Variants in GRB10 observed in about 807,000 individuals in gnomAD.
GRB10 encodes the protein growth factor receptor-bound protein 10.
GRB10 carries 20 observed loss-of-function variants against 80.9 expected under a neutral mutation model. The ratio of observed to expected loss-of-function variants is 0.25; its 90% confidence interval spans 0.17 to 0.36. GRB10 has a LOEUF of 0.36. GRB10 is among the 10% of genes least tolerant of loss of function. The pLI, the probability that GRB10 is intolerant of heterozygous loss-of-function variation, is 1.00. For missense variants in GRB10, 548 were observed against 747.7 expected (o/e 0.73, Z 3.12); for synonymous variants, 291 against 291.5 (o/e 1.00, Z 0.02).
At chr7:50,722,775 G>A (rs2067970855) in intron 4 of GRB10, among the ~76,000 whole-genome samples, 1 of 152,124 alleles carries the variant, frequency 6.6e-6, no homozygotes, top group Non-Finnish European at 1.5e-5. Context: ...CAAACACACA[G>A]CTTGTTCTCC....
At chr7:50,601,091 T>A (rs569785004) in intron 17 of GRB10, among the ~76,000 whole-genome samples, 62 of 152,352 alleles carry the variant, frequency 4.1e-4, no homozygotes, top group African/African-American at 1.4e-3. Flanking sequence ...TGTGGAGCGA[T>A]CCTTGGGATG....
At chr7:50,732,144 G>T in intron 4 of GRB10, 128 bp downstream of exon 4, 1 of 927,902 alleles carries the variant, frequency 1.1e-6, no homozygotes, top group Non-Finnish European at 1.8e-6. Flanking sequence ...CTTGTCACCA[G>T]CCCCTGCTCC....
At chr7:50,648,887 C>T (rs1316470234) in intron 7 of GRB10, among the ~76,000 whole-genome samples, 5 of 152,204 alleles carry the variant, frequency 3.3e-5, no homozygotes, top group African/African-American at 1.2e-4. Context: ...GACTCCCAGG[C>T]CTCAGACCTA....
chr7:50,675,429 GT>G (rs1171897761), intron 5 of GRB10, among the ~76,000 whole-genome samples: 4 of 152,242 alleles, frequency 2.6e-5, no homozygotes, highest in African/African-American at 9.6e-5. Context: ...CTGGGCCATG[GT>G]GCCAGGTTTT....
chr7:50,619,080 G>T, intron 9 of GRB10, 90 bp downstream of exon 9: 1 of 777,164 alleles, frequency 1.3e-6, no homozygotes, highest in Non-Finnish European at 2.3e-6. Flanking sequence ...ATGCCTCTCA[G>T]TCACTTTCTA....
intron 2 of GRB10, among the ~76,000 whole-genome samples, chr7:50,777,042 T>TTCCG (rs113329689): frequency 1.3e-5 from 2 of 151,584 alleles, no homozygotes; most frequent in Non-Finnish European, 2.9e-5. Flanking sequence ...CAGTATCAAT[T>TTCCG]TCTGTCTGTG....
Position 50,792,590 on chromosome 7 carries a change from C to T in GRB10, c.-294+634G>A, listed in dbSNP as rs959712391. The T allele has an allele frequency of 2.0e-4, 79 of 398,126 alleles. 1 individual carries two copies. The highest frequency in any genetic ancestry group is 2.9e-4 in the Non-Finnish European group (66 of 225,800). The allele number at this position is 398,126 out of a possible 1,614,324, so 24.7% of individuals were successfully genotyped here. A position where few individuals can be genotyped will look rare whatever the true frequency, so the allele number is the denominator to read the frequency against. On this transcript the variant is annotated intron_variant, in intron 1 of 16. Transcript: ENST00000335866. ...TTCCACGGCTGGCGGGCGGCTAATCCGCGAGCCCTCAACTTGGTGTTAGGC... is the reference window on the plus strand; with the variant it reads ...TTCCACGGCTGGCGGGCGGCTAATCTGCGAGCCCTCAACTTGGTGTTAGGC...
At chr7:50,701,344 C>G (rs959658435) in intron 5 of GRB10, among the ~76,000 whole-genome samples, 5 of 152,178 alleles carry the variant, frequency 3.3e-5, no homozygotes, top group African/African-American at 1.2e-4. Context: ...CACATGTAAA[C>G]CAAGCACTTC....
intron 2 of GRB10, among the ~76,000 whole-genome samples, chr7:50,774,938 G>A (rs1422998903): frequency 6.6e-6 from 1 of 151,132 alleles, no homozygotes; most frequent in African/African-American, 2.4e-5. Context: ...GAGCCCAGGA[G>A]GTCGAGACCA....
At chr7:50,713,201 T>G (rs542643258) in intron 4 of GRB10, among the ~76,000 whole-genome samples, 80 of 152,250 alleles carry the variant, frequency 5.3e-4, no homozygotes, top group Non-Finnish European at 9.9e-4. Context: ...TTTAGTGTGA[T>G]CACACATGGA....
intron 7 of GRB10, among the ~76,000 whole-genome samples, chr7:50,629,708 G>A (rs2053647043): frequency 6.6e-6 from 1 of 152,226 alleles, no homozygotes; most frequent in Non-Finnish European, 1.5e-5. Context: ...CCTATTACAG[G>A]GTACTGCCAG....
intron 2 of GRB10, among the ~76,000 whole-genome samples, chr7:50,766,674 G>A (rs116576086): frequency 1.1e-3 from 164 of 152,248 alleles, no homozygotes; most frequent in African/African-American, 3.8e-3. Flanking sequence ...AAGCTGTAGG[G>A]AAACAGTCAA....
chr7:50,718,134 C>A (rs1563578470), intron 4 of GRB10, among the ~76,000 whole-genome samples: 1 of 152,184 alleles, frequency 6.6e-6, no homozygotes, highest in Non-Finnish European at 1.5e-5. Context: ...CGGAGGCTTG[C>A]GGAACTGTGT....
At position 50,595,426 on chromosome 7, in the gene GRB10, T is replaced by C. The variant is rs1348250036; in HGVS notation, c.1638+11A>G. 4.3e-6 allele frequency: 6 copies of C among 1,394,896 alleles called. No homozygotes were observed. Among genetic ancestry groups the C allele is most frequent in the Admixed American group, 1.7e-5 (1 of 59,748 alleles). The allele number at this position is 1,394,896 out of a possible 1,614,324, so 86.4% of individuals were successfully genotyped here. A position where few individuals can be genotyped will look rare whatever the true frequency, so the allele number is the denominator to read the frequency against. On this transcript the variant is annotated intron_variant, in intron 18 of 18. Transcript: ENST00000401949. ...AACCACAAGGACTGGTCTGAGAACA[T>C]CAATACTTACAGGTAAGATCTGGAA...
At chr7:50,644,753 C>T (rs1446120200) in intron 7 of GRB10, among the ~76,000 whole-genome samples, 1 of 152,216 alleles carries the variant, frequency 6.6e-6, no homozygotes, top group Non-Finnish European at 1.5e-5. Context: ...GCCCACTGGG[C>T]CACCACCCAC....
At chr7:50,719,441 G>A (rs941232893) in intron 4 of GRB10, among the ~76,000 whole-genome samples, 1 of 151,368 alleles carries the variant, frequency 6.6e-6, no homozygotes, top group African/African-American at 2.4e-5. Flanking sequence ...ACCAAACACT[G>A]CATGTTCTCA....
upstream of GRB10, among the ~76,000 whole-genome samples, chr7:50,784,998 C>T (rs1245973515): frequency 6.6e-6 from 1 of 152,230 alleles, no homozygotes; most frequent in East Asian, 1.9e-4. Context: ...AGCAGGGACA[C>T]AGGTCTCTGG....
chr7:50,690,320 C>CAAAAAAA (rs5884162), intron 5 of GRB10, among the ~76,000 whole-genome samples: 1 of 148,690 alleles, frequency 6.7e-6, no homozygotes, highest in Admixed American at 6.6e-5. Context: ...AACAAACAAA[C>CAAAAAAA]AAAAAAAACA....
chr7:50,748,089 T>C (rs1262623969), intron 3 of GRB10, among the ~76,000 whole-genome samples: 1 of 152,220 alleles, frequency 6.6e-6, no homozygotes, highest in Admixed American at 6.5e-5. Flanking sequence ...CCCCGCCTGA[T>C]GATGCTGGTG....
Sources: allele counts gnomAD v4.1 joint callset (sites outside exome capture counted in the v4.1 genomes callset), GRCh38; gene constraint gnomAD v4.1.1; transcripts MANE v1.5; gene names NCBI Gene and HGNC (gene_info 2026-07-23, HGNC 2026-07-21).